The following PTPN14 variants were observed in gnomAD, a reference collection of about 807,000 sequenced individuals.
The protein encoded by PTPN14 is protein tyrosine phosphatase non-receptor type 14.
PTPN14 carries 53 observed loss-of-function variants against 126.8 expected under a neutral mutation model. That is an observed-to-expected ratio of 0.42 (90% confidence interval 0.34 to 0.53). The LOEUF (loss-of-function observed/expected upper bound fraction) is 0.53, where lower values mean the gene tolerates loss of function less well. Ranked by LOEUF, PTPN14 falls within the 20% of genes least tolerant of loss-of-function variation. PTPN14 has a pLI of 0.08. For synonymous variants in PTPN14, 630 were observed against 599.3 expected, an observed-to-expected ratio of 1.05 and a Z score of -0.75; for missense variants, 1,257 against 1,552.9, an observed-to-expected ratio of 0.81 and a Z score of 3.20.
chr1:214,380,577 A>G (rs1486470630), intron 13 of PTPN14, among the ~76,000 whole-genome samples: 8 of 152,246 alleles, frequency 5.3e-5, no homozygotes, highest in Admixed American at 5.2e-4. Flanking sequence ...TCCATCAAAC[A>G]GACAAGCAGC....
rs550116244 is a variant in PTPN14 at position 214,384,521 on chromosome 1, T to A, written c.1334A>T (p.Tyr445Phe). The A allele has an allele frequency of 2.5e-6, 4 of 1,614,122 alleles. No individual in the cohort carries two copies. The highest frequency in any genetic ancestry group is 2.2e-5 in the South Asian group (2 of 91,070). The change falls in exon 13 of 19, where the codon TAT becomes TTT. Residue 445 changes from tyrosine (Y) to phenylalanine (F), a missense_variant. Tyr to Phe is a conservative substitution (Grantham distance 22, BLOSUM62 3). Coordinates refer to ENST00000366956, the MANE Select transcript of PTPN14 (RefSeq NM_005401.5). This position sits in a 1 kb window ranked among gnomAD's most constrained non-coding sequence, Gnocchi z 5.3. ...IVPSYRPTPDYETVMRQMKRG... is the reference protein window; with the variant it reads ...IVPSYRPTPDFETVMRQMKRG... ...CTTCATCTGGCGCATGACTGTCTCA[T>A]AATCGGGGGTTGGCCTGTACGAGGG...
At chr1:214,496,033 AAAC>A (rs1654488174) in intron 1 of PTPN14, among the ~76,000 whole-genome samples, 1 of 152,150 alleles carries the variant, frequency 6.6e-6, no homozygotes, top group Non-Finnish European at 1.5e-5. Context: ...ACCCACAGAT[AAAC>A]AACACTTCAT....
At chr1:214,532,239 C>T (rs1195868907) in intron 1 of PTPN14, 5 of 413,600 alleles carry the variant, frequency 1.2e-5, no homozygotes, top group Non-Finnish European at 2.3e-5. Flanking sequence ...ATTACTGGTC[C>T]CTGGGCTCTG....
At chr1:214,450,265 A>G (rs1489562432) in intron 3 of PTPN14, among the ~76,000 whole-genome samples, 1 of 151,982 alleles carries the variant, frequency 6.6e-6, no homozygotes, top group African/African-American at 2.4e-5. Flanking sequence ...TGAGGTCAGG[A>G]GTTCGAGACC....
chr1:214,435,070 G>T (rs943774863), intron 3 of PTPN14, among the ~76,000 whole-genome samples: 3 of 152,254 alleles, frequency 2.0e-5, no homozygotes, highest in Non-Finnish European at 4.4e-5. Flanking sequence ...CCCGCAGGCT[G>T]CGGGTTGCAC....
chr1:214,397,857 A>G, intron 8 of PTPN14, 56 bp downstream of exon 8: 1 of 1,402,402 alleles, frequency 7.1e-7, no homozygotes, highest in Non-Finnish European at 1.0e-6. Context: ...TGTAACATTA[A>G]CATTACAGTT....
chr1:214,440,391 C>T (rs1475344571), intron 3 of PTPN14, among the ~76,000 whole-genome samples: 1 of 152,144 alleles, frequency 6.6e-6, no homozygotes, highest in Non-Finnish European at 1.5e-5. Context: ...CTATAAGACG[C>T]TTGGTACTCT....
At chr1:214,487,379 AT>A (rs1224484692) in intron 1 of PTPN14, among the ~76,000 whole-genome samples, 2 of 152,150 alleles carry the variant, frequency 1.3e-5, no homozygotes, top group African/African-American at 4.8e-5. Flanking sequence ...TAATCCCAGC[AT>A]GTTGGGAGGC....
In PTPN14 at chr1:214,551,515, G is replaced by C. The variant is rs1322355014; in HGVS notation, c.-487C>G. On this transcript the variant is annotated 5_prime_UTR_variant, in exon 1 of 19. Transcript: ENST00000366956. The stretch of plus-strand genomic sequence containing the variant: ...GGCTCCCCGAGGACCTGAGCCAGGA[G>C]AGCAGGCGGCTGAGCCCGGAGAAGC... 2.0e-5 allele frequency: 3 copies of C among 152,378 alleles called. No individual in the cohort carries two copies. The highest frequency in any genetic ancestry group is 2.9e-5 in the Non-Finnish European group (2 of 68,176). The allele number at this position is 152,378 out of a possible 1,614,324, so 9.4% of individuals were successfully genotyped here.
intron 1 of PTPN14, among the ~76,000 whole-genome samples, chr1:214,533,634 A>G (rs192619111): frequency 8.5e-4 from 130 of 152,166 alleles, no homozygotes; most frequent in African/African-American, 2.6e-3. Flanking sequence ...AATCAAGACC[A>G]TCCTGGCTAA....
intron 1 of PTPN14, among the ~76,000 whole-genome samples, chr1:214,523,245 T>C (rs1655304582): frequency 6.6e-6 from 1 of 152,214 alleles, no homozygotes; most frequent in African/African-American, 2.4e-5. Context: ...TATCCCCATA[T>C]CATCCCATTT....
chr1:214,453,352 G>A (rs1185628386), intron 2 of PTPN14, among the ~76,000 whole-genome samples: 3 of 152,142 alleles, frequency 2.0e-5, no homozygotes, highest in Non-Finnish European at 4.4e-5. Flanking sequence ...AATGAAATGT[G>A]GCTGAATAGA....
rs71165970 is a variant in PTPN14, at chr1:214,449,011, C to CT, written c.344+2793dup. ...TGTGCCCTTGTAAGACTTAATTTTT[C>CT]TTTTTTTTTTTTTGAGACGGAGTCT... On this transcript the variant is annotated intron_variant, in intron 3 of 18. Transcript: ENST00000366956. 1.0e-3 allele frequency among the ~76,000 whole-genome samples: 116 copies of CT among 112,436 alleles called. 6 individuals carry two copies. Among genetic ancestry groups the CT allele is most frequent in the Admixed American group, 3.1e-3 (31 of 9,996 alleles). 73.8% of individuals were successfully genotyped at this position (112,436 alleles called of 152,430 possible).
In PTPN14 at chr1:214,355,207, T is replaced by G. The variant is rs1187439676; in HGVS notation, c.*2715A>C. 1.3e-5 allele frequency: 2 copies of G among 152,198 alleles called. No homozygotes were observed. Among genetic ancestry groups the G allele is most frequent in the Admixed American group, 6.5e-5 (1 of 15,278 alleles). The allele number at this position is 152,198 out of a possible 1,614,324, so 9.4% of individuals were successfully genotyped here. A position where few individuals can be genotyped will look rare whatever the true frequency, so the allele number is the denominator to read the frequency against. Reference sequence around the variant, plus strand: ...CTGCATTTTGTACACTAATGAATATTCCCGTAGCATACGGCAGGGACAGTG... The same window carrying G: ...CTGCATTTTGTACACTAATGAATATGCCCGTAGCATACGGCAGGGACAGTG... On this transcript the variant is annotated 3_prime_UTR_variant, in exon 19 of 19. Transcript: ENST00000366956.
At chr1:214,451,134 A>C (rs2102633635) in intron 3 of PTPN14, among the ~76,000 whole-genome samples, 1 of 148,466 alleles carries the variant, frequency 6.7e-6, no homozygotes, top group South Asian at 2.2e-4. Flanking sequence ...GACAAAACAG[A>C]ATTAGGTTTT....
chr1:214,384,598 G>A lies in PTPN14; in HGVS notation c.1257C>T (p.Asp419=). The A allele has an allele frequency of 6.2e-7, 1 of 1,614,142 alleles. No homozygotes were observed. The change falls in exon 13 of 19, where the codon GAC becomes GAT. Residue 419 remains aspartate (D), a synonymous_variant. Transcript: ENST00000366956. This position sits in a 1 kb window ranked among gnomAD's most constrained non-coding sequence, Gnocchi z 5.3. ...VSSNLSIPGS[D]IMRADYIPSH... ...TCGGGATGTAGTCGGCCCGCATGAT[G>A]TCACTCCCAGGGATACTGAGGTTGG... is the stretch of plus-strand genomic sequence containing the variant.
intron 1 of PTPN14, among the ~76,000 whole-genome samples, chr1:214,481,100 A>C (rs1259565476): frequency 6.6e-6 from 1 of 152,258 alleles, no homozygotes; most frequent in Non-Finnish European, 1.5e-5. Flanking sequence ...AAGAGAAAAT[A>C]AGAACTTCAA....
intron 1 of PTPN14, among the ~76,000 whole-genome samples, chr1:214,520,634 T>C (rs983916682): frequency 2.0e-5 from 3 of 152,076 alleles, no homozygotes; most frequent in Non-Finnish European, 4.4e-5. Context: ...CTCTCCACGG[T>C]AGGAAGAGAG....
At chr1:214,473,204 G>GA (rs1660799219) in intron 1 of PTPN14, among the ~76,000 whole-genome samples, 1 of 152,190 alleles carries the variant, frequency 6.6e-6, no homozygotes, top group Non-Finnish European at 1.5e-5. Flanking sequence ...TCACAATTTA[G>GA]AAAAGGTCAT....
Sources: gnomAD v4.1 joint callset for allele counts (sites outside exome capture counted in the v4.1 genomes callset) on GRCh38, gnomAD v4.1.1 for gene constraint, Gnocchi (gnomAD v3.1) non-coding constraint, MANE v1.5 for transcripts, NCBI Gene and HGNC (gene_info 2026-07-23, HGNC 2026-07-21) for gene names.